AIG1: variants seen among roughly 807,000 people sequenced by gnomAD.
AIG1 encodes the protein androgen-induced gene 1 protein.
A neutral mutation model predicts 31.4 loss-of-function variants in AIG1; 23 were observed. The ratio of observed to expected loss-of-function variants is 0.73; its 90% CI spans 0.53 to 1.04. The LOEUF (loss-of-function observed/expected upper bound fraction) is 1.04, where lower values mean the gene tolerates loss of function less well. AIG1 is among the 50% of genes least tolerant of loss of function. AIG1 has a pLI of 0.00. For missense variants in AIG1, 274 were observed against 295.0 expected (o/e 0.93, Z 0.52); for synonymous variants, 100 against 110.5 (o/e 0.90, Z 0.60).
chr6:143,273,049 A>G (rs915663575), intron 3 of AIG1, among the ~76,000 whole-genome samples: 2 of 152,156 alleles, frequency 1.3e-5, no homozygotes, highest in Admixed American at 1.3e-4. Flanking sequence ...GAATTGCTTG[A>G]ACCCGGGAGG....
rs554183264 is a variant in AIG1, at chr6:143,328,036, G to C, written c.516-5246G>C. Among the ~76,000 whole-genome samples the C allele has an allele frequency of 6.6e-6, 1 of 152,274 alleles. No individual in the cohort carries two copies. Among genetic ancestry groups the C allele is most frequent in the African/African-American group, 2.4e-5 (1 of 41,564 alleles). On this transcript the variant is annotated intron_variant, in intron 4 of 5. Transcript: ENST00000357847. The surrounding 1 kb of genome is among the most constrained non-coding windows in gnomAD (Gnocchi z 4.0). Reference sequence around the variant, plus strand: ...ATGAATGAACTCATCAACTGAGAATGCATAAGAGAAAACAGTTTGGAAACC... The same window carrying C: ...ATGAATGAACTCATCAACTGAGAATCCATAAGAGAAAACAGTTTGGAAACC...
intron 2 of AIG1, among the ~76,000 whole-genome samples, chr6:143,163,649 A>G (rs1246902035): frequency 6.6e-6 from 1 of 152,146 alleles, no homozygotes; most frequent in Admixed American, 6.5e-5. Flanking sequence ...ACTTCCTAGT[A>G]CGTTATCCAC....
rs117426985 is a variant in AIG1, at chr6:143,286,227, C to T, written c.515+2002C>T. Among the ~76,000 whole-genome samples the T allele has an allele frequency of 2.0e-3, 311 of 152,198 alleles. 4 individuals are homozygous for T. The highest frequency in any genetic ancestry group is 3.8e-3 in the Non-Finnish European group (258 of 68,018). On this transcript the variant is annotated intron_variant, in intron 4 of 5. Coordinates refer to ENST00000357847, the MANE Select transcript of AIG1 (RefSeq NM_016108.4). ...TTCCATTGTGGGTAGAATCAGTCCA[C>T]GTTCCAAAGAGACACATGGGAAATA...
chr6:143,067,412 G>A (rs1776811385), intron 1 of AIG1, among the ~76,000 whole-genome samples: 2 of 152,172 alleles, frequency 1.3e-5, no homozygotes, highest in South Asian at 4.1e-4. Flanking sequence ...AAACCAGAGA[G>A]AGATGAGGAT....
chr6:143,321,138 A>T (rs892984370), intron 4 of AIG1, among the ~76,000 whole-genome samples: 18 of 151,590 alleles, frequency 1.2e-4, no homozygotes, highest in African/African-American at 4.4e-4. Context: ...ATCTTATGTT[A>T]AATGTTTGTA....
At chr6:143,171,515 A>AAT (rs1226051188) in intron 3 of AIG1, among the ~76,000 whole-genome samples, 1 of 128,650 alleles carries the variant, frequency 7.8e-6, no homozygotes, top group Non-Finnish European at 1.6e-5. Flanking sequence ...TAATATATAT[A>AAT]ATATATATAT....
chr6:143,336,579 G>T (rs531794200), intron 5 of AIG1, among the ~76,000 whole-genome samples: 1 of 152,236 alleles, frequency 6.6e-6, no homozygotes, highest in East Asian at 1.9e-4. Context: ...CACATCCTGG[G>T]GGTTAGGATT....
At chr6:143,342,298 C>A, downstream of AIG1, 3 of 685,142 alleles carry the variant, frequency 4.4e-6, no homozygotes, top group Non-Finnish European at 8.0e-6. Flanking sequence ...TCAGCGTGGG[C>A]TCCCCTGGTG....
Position 143,176,455 on chromosome 6 carries a change from A to G in AIG1, c.399+11272A>G, listed in dbSNP as rs74974049. On this transcript the variant is annotated intron_variant, in intron 3 of 5. Coordinates refer to ENST00000357847, the MANE Select transcript of AIG1 (RefSeq NM_016108.4). The stretch of plus-strand genomic sequence containing the variant: ...TTGGGCTTCCAGGACGGGTAGAGAA[A>G]GACTATCAGGCTGGGACAGAGTTCA... Among the ~76,000 whole-genome samples the G allele has an allele frequency of 4.3e-3, 654 of 152,154 alleles. 8 individuals are homozygous for G. The highest frequency in any genetic ancestry group is 0.015 in the African/African-American group (610 of 41,504).
At chr6:143,257,355 A>T (rs1405869758) in intron 3 of AIG1, among the ~76,000 whole-genome samples, 1 of 152,192 alleles carries the variant, frequency 6.6e-6, no homozygotes, top group Non-Finnish European at 1.5e-5. Flanking sequence ...CAAAACAAAA[A>T]CAAAAAAAAA....
At chr6:143,323,178 A>G (rs1776354348) in intron 4 of AIG1, among the ~76,000 whole-genome samples, 1 of 152,250 alleles carries the variant, frequency 6.6e-6, no homozygotes, top group Non-Finnish European at 1.5e-5. Flanking sequence ...ATAACTACGT[A>G]GGCGGGACCA....
intron 3 of AIG1, among the ~76,000 whole-genome samples, chr6:143,275,633 T>C (rs777554937): frequency 6.6e-6 from 1 of 152,140 alleles, no homozygotes; most frequent in Non-Finnish European, 1.5e-5. Flanking sequence ...TGCTGTCCTT[T>C]ACCCTTCTAC....
chr6:143,327,493 C>T lies in AIG1; in HGVS notation c.516-5789C>T. On this transcript the variant is annotated intron_variant, in intron 4 of 5. Transcript: ENST00000357847. This position sits in a 1 kb window ranked among gnomAD's most constrained non-coding sequence, Gnocchi z 5.3. ...TTGATACCAGGCCCAACAAAACTGT[C>T]TGGGCCAAAGGAATAAGGAATGTCC... 2.6e-6 allele frequency: 1 copy of T among 386,174 alleles called. No homozygotes were observed. Among genetic ancestry groups the T allele is most frequent in the Non-Finnish European group, 4.9e-6 (1 of 203,200 alleles). 23.9% of individuals were successfully genotyped at this position (386,174 alleles called of 1,614,324 possible).
rs1488264946 is a variant in AIG1 at position 143,328,760 on chromosome 6, A to C, written c.516-4522A>C. Among the ~76,000 whole-genome samples the C allele has an allele frequency of 6.6e-6, 1 of 152,234 alleles. No individual in the cohort carries two copies. The highest frequency in any genetic ancestry group is 1.5e-5 in the Non-Finnish European group (1 of 68,034). On this transcript the variant is annotated intron_variant, in intron 4 of 5. Coordinates refer to ENST00000357847, the MANE Select transcript of AIG1 (RefSeq NM_016108.4). This position sits in a 1 kb window ranked among gnomAD's most constrained non-coding sequence, Gnocchi z 4.0. ...ATTTTTTTAATTGTACATAAACGTG[A>C]ATGCAAACGGAGGTACATTTAATAA... is the stretch of plus-strand genomic sequence containing the variant.
At chr6:143,170,095 G>A (rs970912917) in intron 3 of AIG1, among the ~76,000 whole-genome samples, 1 of 151,994 alleles carries the variant, frequency 6.6e-6, no homozygotes. Context: ...GGTAATGCTG[G>A]CATCATAGAA....
chr6:143,314,999 A>G (rs572457030), intron 4 of AIG1, among the ~76,000 whole-genome samples: 1 of 152,276 alleles, frequency 6.6e-6, no homozygotes, highest in Admixed American at 6.5e-5. Context: ...TTGGAGAATG[A>G]TGTTAATATC....
intron 3 of AIG1, among the ~76,000 whole-genome samples, chr6:143,264,213 C>T (rs1194216556): frequency 6.6e-6 from 1 of 152,132 alleles, no homozygotes; most frequent in African/African-American, 2.4e-5. Flanking sequence ...TTTTTCGCCC[C>T]TTTCATCTTT....
chr6:143,148,964 C>CTACA (rs1009557896), intron 2 of AIG1, among the ~76,000 whole-genome samples: 71 of 152,290 alleles, frequency 4.7e-4, no homozygotes, highest in African/African-American at 1.7e-3. Flanking sequence ...GAGCAATAGG[C>CTACA]TACACCATCT....
intron 3 of AIG1, among the ~76,000 whole-genome samples, chr6:143,233,994 A>T (rs1327096150): frequency 6.6e-6 from 1 of 152,250 alleles, no homozygotes; most frequent in Non-Finnish European, 1.5e-5. Flanking sequence ...TTTTAAAAAA[A>T]GAACCTGTAC....
Sources: allele counts gnomAD v4.1 joint callset (sites outside exome capture counted in the v4.1 genomes callset), GRCh38; gene constraint gnomAD v4.1.1; non-coding constraint Gnocchi (gnomAD v3.1); transcripts MANE v1.5; gene names NCBI Gene and HGNC (gene_info 2026-07-23, HGNC 2026-07-21).